KDM2B: variants seen among roughly 807,000 people sequenced by gnomAD.
KDM2B encodes lysine demethylase 2B, also known as lysine-specific demethylase 2B.
A neutral mutation model predicts 150.0 loss-of-function variants in KDM2B; 26 were observed. That is an observed-to-expected ratio of 0.17 (90% CI 0.13 to 0.24). KDM2B has a LOEUF of 0.24. Among genes scored for constraint, KDM2B ranks in the 10% least tolerant of loss-of-function variants. The pLI is 1.00. For synonymous variants in KDM2B, 734 were observed against 729.5 expected (o/e 1.01, Z -0.10); for missense variants, 1,265 against 1,816.9 (o/e 0.70, Z 5.52).
At chr12:121,538,966 T>A (rs28375860) in intron 6 of KDM2B, among the ~76,000 whole-genome samples, 20,212 of 151,280 alleles carry the variant, frequency 0.13, 3,402 homozygotes, top group African/African-American at 0.4. Context: ...GTCACCAGAG[T>A]CCCCGCCCTC....
intron 12 of KDM2B, among the ~76,000 whole-genome samples, chr12:121,475,182 CTGTGTGTGTGTG>C (rs60083867): frequency 4.9e-4 from 68 of 139,762 alleles, no homozygotes; most frequent in Middle Eastern, 3.6e-3. Context: ...ACACATGACT[CTGTGTGTGTGTG>C]TGTGTGTGTG....
chr12:121,505,299 A>C (rs1884970403), intron 11 of KDM2B, among the ~76,000 whole-genome samples: 1 of 151,802 alleles, frequency 6.6e-6, no homozygotes, highest in Admixed American at 6.6e-5. Context: ...AAAAAAAAAA[A>C]AAAATTGTGA....
At chr12:121,571,947 A>G (rs942555964) in intron 4 of KDM2B, among the ~76,000 whole-genome samples, 5 of 152,068 alleles carry the variant, frequency 3.3e-5, no homozygotes, top group African/African-American at 7.2e-5. Flanking sequence ...CACGGCGCCC[A>G]GCCACTCTTC....
intron 12 of KDM2B, among the ~76,000 whole-genome samples, chr12:121,460,483 C>T (rs1404079381): frequency 4.6e-5 from 7 of 152,230 alleles, no homozygotes; most frequent in Admixed American, 6.5e-5. Flanking sequence ...ACCGCAGCCT[C>T]GACTTCCCAG....
At chr12:121,516,918 G>A in intron 9 of KDM2B, 1 of 661,616 alleles carries the variant, frequency 1.5e-6, no homozygotes, top group Non-Finnish European at 2.7e-6. Context: ...AATGGTAGGG[G>A]GAAGGGGAGA....
At chr12:121,550,027 T>C (rs1274777113) in intron 4 of KDM2B, among the ~76,000 whole-genome samples, 1 of 147,710 alleles carries the variant, frequency 6.8e-6, no homozygotes, top group Non-Finnish European at 1.5e-5. Flanking sequence ...AATACAAAGA[T>C]GGCCAGGCAT....
At chr12:121,543,890 G>A (rs1430374569) in intron 6 of KDM2B, among the ~76,000 whole-genome samples, 1 of 152,030 alleles carries the variant, frequency 6.6e-6, no homozygotes, top group African/African-American at 2.4e-5. Context: ...GGGAGGCCAA[G>A]GTCGGTGGAC....
intron 4 of KDM2B, among the ~76,000 whole-genome samples, chr12:121,553,059 C>G (rs1555312076): frequency 6.6e-6 from 1 of 151,848 alleles, no homozygotes; most frequent in East Asian, 1.9e-4. Context: ...GGTGAAACCC[C>G]GAGAATACTA....
Position 121,467,572 on chromosome 12 carries a change from G to T in KDM2B, c.1735-14228C>A, listed in dbSNP as rs2139510522. ...GAGGGCGGTCCCTCGCGGCCGGAGC[G>T]CGGGGACTGGGGCTGCGTGGGGGCG... is the stretch of plus-strand genomic sequence containing the variant. On this transcript the variant is annotated intron_variant, in intron 12 of 22. Coordinates refer to ENST00000377071, the MANE Select transcript of KDM2B (RefSeq NM_032590.5). The surrounding 1 kb of genome is among the most constrained non-coding windows in gnomAD (Gnocchi z 5.1). 6.7e-6 allele frequency: 1 copy of T among 150,046 alleles called. No individual in the cohort carries two copies. Among genetic ancestry groups the T allele is most frequent in the Non-Finnish European group, 1.5e-5 (1 of 68,332 alleles). The allele number at this position is 150,046 out of a possible 1,614,324, so 9.3% of individuals were successfully genotyped here.
intron 12 of KDM2B, among the ~76,000 whole-genome samples, chr12:121,490,927 C>T (rs1030199224): frequency 6.6e-6 from 1 of 152,194 alleles, no homozygotes; most frequent in East Asian, 1.9e-4. Context: ...TCAAATACCA[C>T]TCCCTACCTC....
rs1700621710 is a variant in KDM2B, at chr12:121,549,823, G to A, written c.398-185C>T. 6.6e-6 allele frequency among the ~76,000 whole-genome samples: 1 copy of A among 151,602 alleles called. No individual in the cohort carries two copies. Among genetic ancestry groups the A allele is most frequent in the African/African-American group, 2.4e-5 (1 of 41,150 alleles). The stretch of plus-strand genomic sequence containing the variant: ...CTGGGATCTGTCTCCCACCCACCTT[G>A]CTTCCCTGCACCACCATGGCCTCCA... On this transcript the variant is annotated intron_variant, in intron 4 of 22. Transcript: ENST00000377071. This position sits in a 1 kb window ranked among gnomAD's most constrained non-coding sequence, Gnocchi z 4.4.
chr12:121,523,174 G>C (rs1442831407), intron 8 of KDM2B, among the ~76,000 whole-genome samples: 4 of 152,262 alleles, frequency 2.6e-5, no homozygotes, highest in African/African-American at 9.6e-5. Context: ...AGCGACAGCG[G>C]CTCCGTTTTT....
At chr12:121,536,199 C>T in intron 6 of KDM2B, 1 of 624,084 alleles carries the variant, frequency 1.6e-6, no homozygotes, top group Non-Finnish European at 2.0e-6. Flanking sequence ...CTGCCTTTTG[C>T]ACCTCGCTTT....
chr12:121,409,214 A>T, the KDM2B span, among the ~76,000 whole-genome samples: 2 of 152,188 alleles, frequency 1.3e-5, no homozygotes, highest in African/African-American at 4.8e-5. Flanking sequence ...TCCTGTCCTC[A>T]GGTGACCTGC....
chr12:121,409,082 C>T, the KDM2B span, among the ~76,000 whole-genome samples: 2 of 151,960 alleles, frequency 1.3e-5, no homozygotes, highest in African/African-American at 4.8e-5. Context: ...CAGGTTCAAA[C>T]GATTCTCCTG....
At chr12:121,556,545 C>G (rs1889913791) in intron 4 of KDM2B, among the ~76,000 whole-genome samples, 1 of 152,124 alleles carries the variant, frequency 6.6e-6, no homozygotes, top group African/African-American at 2.4e-5. Context: ...TCAAATAAAC[C>G]TTTCTTTATA....
chr12:121,522,543 T>C (rs1886784068), intron 8 of KDM2B, among the ~76,000 whole-genome samples: 1 of 139,730 alleles, frequency 7.2e-6, no homozygotes, highest in South Asian at 2.2e-4. Flanking sequence ...ATATACTATA[T>C]TCAACCTCAA....
chr12:121,577,117 C>T (rs1027725936), intron 2 of KDM2B, among the ~76,000 whole-genome samples: 3 of 152,282 alleles, frequency 2.0e-5, no homozygotes, highest in Admixed American at 2.0e-4. Context: ...AATTAAAGAG[C>T]AAAGCCCTGG....
intron 13 of KDM2B, among the ~76,000 whole-genome samples, chr12:121,446,183 C>A (rs924297424): frequency 8.5e-5 from 13 of 152,340 alleles, no homozygotes; most frequent in African/African-American, 3.1e-4. Context: ...ATCACAAGGT[C>A]AGGAGATCGA....
Sources: gnomAD v4.1 joint callset for allele counts (sites outside exome capture counted in the v4.1 genomes callset) on GRCh38, gnomAD v4.1.1 for gene constraint, Gnocchi (gnomAD v3.1) non-coding constraint, MANE v1.5 for transcripts, NCBI Gene and HGNC (gene_info 2026-07-23, HGNC 2026-07-21) for gene names.